Variants in POLN observed in about 807,000 individuals in gnomAD.
POLN encodes the protein DNA polymerase N.
Under a neutral mutation model 113.5 loss-of-function variants are expected in POLN, and 108 were observed. The observed-to-expected ratio is 0.95, with a 90% CI of 0.81 to 1.12. The LOEUF is 1.12. Among genes scored for constraint, POLN ranks in the 50% most tolerant of loss-of-function variants. The pLI is 0.00. For missense variants in POLN, 1,097 were observed against 1,077.1 expected, an observed-to-expected ratio of 1.02 and a Z score of -0.26; for synonymous variants, 386 against 391.5, an observed-to-expected ratio of 0.99 and a Z score of 0.17.
chr4:2,214,053 T>C (rs1294545790), intron 3 of POLN, among the ~76,000 whole-genome samples: 2 of 152,098 alleles, frequency 1.3e-5, no homozygotes, highest in East Asian at 3.9e-4. Flanking sequence ...TTGGCCAAAA[T>C]GGTGAAACCC....
At chr4:2,159,016 G>A in intron 14 of POLN, 139 bp downstream of exon 14, 4 of 719,760 alleles carry the variant, frequency 5.6e-6, no homozygotes, top group Non-Finnish European at 9.8e-6. Context: ...CCAGTACAAG[G>A]TTAACCTGAC....
At chr4:2,134,418 G>A (rs1347653832) in intron 16 of POLN, among the ~76,000 whole-genome samples, 1 of 152,198 alleles carries the variant, frequency 6.6e-6, no homozygotes, top group African/African-American at 2.4e-5. Context: ...AGTTTTGAAA[G>A]AAACTGCCAA....
In POLN at chr4:2,161,572, G is replaced by C. The variant is rs577461397; in HGVS notation, c.1555-2361C>G. ...CCACCCCCTCCGTGGGCTCCTGTGC[G>C]GCTGGAGCCTCCCTGATGAGCGCCG... On this transcript the variant is annotated intron_variant, in intron 13 of 25. Coordinates refer to ENST00000511885, the MANE Select transcript of POLN (RefSeq NM_181808.4). Among the ~76,000 whole-genome samples the C allele has an allele frequency of 3.3e-5, 5 of 152,318 alleles. No homozygotes were observed. In the East Asian group the frequency reaches 9.7e-4, roughly 29 times the overall value.
At chr4:2,117,588 G>C (rs1731347584) in intron 19 of POLN, among the ~76,000 whole-genome samples, 1 of 152,136 alleles carries the variant, frequency 6.6e-6, no homozygotes. Flanking sequence ...TGCAATGGTG[G>C]GACAGGGACA....
intron 19 of POLN, among the ~76,000 whole-genome samples, chr4:2,118,030 T>C (rs546304391): frequency 6.6e-6 from 1 of 152,350 alleles, no homozygotes; most frequent in East Asian, 1.9e-4. Flanking sequence ...TTCTTACCTA[T>C]TTGACTTTAG....
intron 5 of POLN, among the ~76,000 whole-genome samples, chr4:2,201,545 G>A (rs556644712): frequency 1.3e-5 from 2 of 151,910 alleles, no homozygotes; most frequent in South Asian, 4.2e-4. Context: ...AAGAAGTCTC[G>A]GATTATGTTA....
chr4:2,147,741 T>C (rs510437), intron 16 of POLN, among the ~76,000 whole-genome samples: 126,983 of 150,332 alleles, frequency 0.84, 54,728 homozygotes, highest in Non-Finnish European at 0.94. Context: ...CTCCCAGGTT[T>C]AAGCGATTCT....
In POLN at chr4:2,240,243, T is replaced by C. The variant is rs182932203; in HGVS notation, c.-13+1277A>G. The stretch of plus-strand genomic sequence containing the variant: ...TATATCTAAAAGTTGAAAATTGTCT[T>C]CATTTGAACTTTCAACTACTTCATG... On this transcript the variant is annotated intron_variant, in intron 2 of 25. Coordinates refer to ENST00000511885, the MANE Select transcript of POLN (RefSeq NM_181808.4). 1.9e-5 allele frequency: 30 copies of C among 1,613,786 alleles called. No individual in the cohort carries two copies. Among genetic ancestry groups the C allele is most frequent in the Admixed American group, 3.3e-5 (2 of 59,948 alleles).
chr4:2,207,684 T>C (rs1262738840), intron 5 of POLN, among the ~76,000 whole-genome samples: 1 of 152,108 alleles, frequency 6.6e-6, no homozygotes, highest in African/African-American at 2.4e-5. Context: ...CACTATGAAA[T>C]ACCACTTCGG....
In POLN at chr4:2,081,258, C is replaced by T. The variant is rs1730410482; in HGVS notation, c.2309-222G>A. On this transcript the variant is annotated intron_variant, in intron 22 of 25. Coordinates refer to ENST00000511885, the MANE Select transcript of POLN (RefSeq NM_181808.4). ...GCACCTGGGTTTTGGGTGCCTTACT[C>T]CTGGAGGCCTCACCCCTGCCAGGCA... is the stretch of plus-strand genomic sequence containing the variant. The T allele has an allele frequency of 2.3e-5, 31 of 1,370,878 alleles. 1 individual carries two copies. The South Asian group carries it at 3.3e-4, about 15-fold the overall frequency. 84.9% of individuals were successfully genotyped at this position (1,370,878 alleles called of 1,614,324 possible).
chr4:2,185,812 T>TA (rs951757737), intron 7 of POLN, among the ~76,000 whole-genome samples: 5 of 151,676 alleles, frequency 3.3e-5, no homozygotes, highest in African/African-American at 9.7e-5. Flanking sequence ...AAACAAACTG[T>TA]AAAAAAACAA....
intron 18 of POLN, 99 bp downstream of exon 18, chr4:2,129,079 AT>A: frequency 2.5e-6 from 2 of 790,634 alleles, no homozygotes; most frequent in South Asian, 1.9e-5. Context: ...AAAAAAAAGA[AT>A]TTATTTGAAA....
At position 2,073,128 on chromosome 4, in the gene POLN, C is replaced by T. The variant is rs1346613737; in HGVS notation, c.2456-99G>A. 3.5e-6 allele frequency: 4 copies of T among 1,138,872 alleles called. No homozygotes were observed. The African/African-American group carries it at 6.1e-5, about 17-fold the overall frequency. The allele number at this position is 1,138,872 out of a possible 1,614,324, so 70.5% of individuals were successfully genotyped here. On this transcript the variant is annotated intron_variant, in intron 24 of 25. Coordinates refer to ENST00000511885, the MANE Select transcript of POLN (RefSeq NM_181808.4). ...TTTCAGGCCCGAGTCCTGCCCCGGC[C>T]CCTGAGCCCCCTTGTTTCCTGTGTC...
chr4:2,169,662 G>C (rs1184716384), intron 13 of POLN, among the ~76,000 whole-genome samples: 1 of 152,158 alleles, frequency 6.6e-6, no homozygotes, highest in Non-Finnish European at 1.5e-5. Context: ...GGAAACTGAG[G>C]CACAGAGCAG....
At chr4:2,194,189 G>A (rs773545644) in intron 6 of POLN, among the ~76,000 whole-genome samples, 2 of 152,142 alleles carry the variant, frequency 1.3e-5, no homozygotes, top group Non-Finnish European at 2.9e-5. Flanking sequence ...ACTAACAAAT[G>A]GCAATGCTGG....
chr4:2,204,965 A>G (rs1346267151), intron 5 of POLN, among the ~76,000 whole-genome samples: 2 of 152,220 alleles, frequency 1.3e-5, no homozygotes, highest in African/African-American at 2.4e-5. Flanking sequence ...CATCTATTAT[A>G]AACCCACAGC....
rs1043575114 is a variant in POLN, at chr4:2,080,363, C to T, written c.2387+595G>A. On this transcript the variant is annotated intron_variant, in intron 23 of 25. Transcript: ENST00000511885. The stretch of plus-strand genomic sequence containing the variant: ...GCTGTGGCCTGGGGGGCAGCCAGGG[C>T]GGAGCCCCCCCCCACCAAGGCACAT... 2.5e-4 allele frequency: 226 copies of T among 914,254 alleles called. 1 individual carries two copies. The highest frequency in any genetic ancestry group is 1.1e-3 in the Admixed American group (7 of 6,590). The allele number at this position is 914,254 out of a possible 1,614,324, so 56.6% of individuals were successfully genotyped here.
intron 16 of POLN, among the ~76,000 whole-genome samples, chr4:2,149,991 G>C (rs1732250197): frequency 6.6e-6 from 1 of 151,322 alleles, no homozygotes. Flanking sequence ...GCTGAGGCAG[G>C]AGAATCGCTT....
At chr4:2,184,952 G>A (rs1189061537) in intron 7 of POLN, among the ~76,000 whole-genome samples, 3 of 151,992 alleles carry the variant, frequency 2.0e-5, no homozygotes, top group Non-Finnish European at 2.9e-5. Flanking sequence ...TTTTGAAAAC[G>A]GGTAAATAAA....
Sources: gnomAD v4.1 joint callset for allele counts (sites outside exome capture counted in the v4.1 genomes callset) on GRCh38, gnomAD v4.1.1 for gene constraint, MANE v1.5 for transcripts, NCBI Gene and HGNC (gene_info 2026-07-23, HGNC 2026-07-21) for gene names.